MRPL1: variants seen among roughly 807,000 people sequenced by gnomAD.
The protein encoded by MRPL1 is large ribosomal subunit protein uL1m.
MRPL1 carries 28 observed loss-of-function variants against 38.0 expected under a neutral mutation model. The observed-to-expected ratio is 0.74, with a 90% CI of 0.55 to 1.01. MRPL1 has a LOEUF of 1.01. Ranked by LOEUF, MRPL1 falls within the 50% of genes least tolerant of loss-of-function variation. The probability of loss-of-function intolerance (pLI) is 0.00; values close to 1 mark genes in which losing one functional copy is unlikely to be tolerated. For synonymous variants in MRPL1, 123 were observed against 126.7 expected, an observed-to-expected ratio of 0.97 and a Z score of 0.20; for missense variants, 358 against 389.8, an observed-to-expected ratio of 0.92 and a Z score of 0.69.
intron 7 of MRPL1, among the ~76,000 whole-genome samples, chr4:77,949,073 GA>G (rs1382573972): frequency 4.6e-5 from 7 of 152,040 alleles, no homozygotes; most frequent in Non-Finnish European, 7.4e-5. Context: ...GCCCAGCCGT[GA>G]ACTTTTAAAA....
At chr4:77,914,305 A>G (rs1253355562) in intron 7 of MRPL1, among the ~76,000 whole-genome samples, 1 of 151,756 alleles carries the variant, frequency 6.6e-6, no homozygotes, top group Admixed American at 6.6e-5. Flanking sequence ...GTTGCATAGG[A>G]GGGGTGGGAG....
intron 7 of MRPL1, among the ~76,000 whole-genome samples, chr4:77,922,020 A>G (rs919994634): frequency 6.6e-6 from 1 of 152,222 alleles, no homozygotes; most frequent in Non-Finnish European, 1.5e-5. Flanking sequence ...AAAGTAGACA[A>G]CAATCCTTGC....
At chr4:77,868,462 T>C (rs746081901) in intron 1 of MRPL1, among the ~76,000 whole-genome samples, 1 of 152,032 alleles carries the variant, frequency 6.6e-6, no homozygotes, top group East Asian at 1.9e-4. Context: ...AGGCTGGTCT[T>C]GAACTCCTTA....
chr4:77,907,767 T>C (rs557824782), intron 6 of MRPL1, among the ~76,000 whole-genome samples: 1 of 152,280 alleles, frequency 6.6e-6, no homozygotes, highest in Non-Finnish European at 1.5e-5. Context: ...TTTCGCCGTG[T>C]TGGCCAGGCT....
At chr4:77,882,876 C>T (rs1430844136) in intron 2 of MRPL1, among the ~76,000 whole-genome samples, 1 of 152,180 alleles carries the variant, frequency 6.6e-6, no homozygotes, top group Non-Finnish European at 1.5e-5. Context: ...ACTTTGAGGT[C>T]ATTTCCTCTA....
intron 1 of MRPL1, among the ~76,000 whole-genome samples, chr4:77,865,485 G>A (rs1159510208): frequency 6.6e-5 from 10 of 151,276 alleles, no homozygotes; most frequent in Non-Finnish European, 1.0e-4. Flanking sequence ...GCAGTGGCCC[G>A]GTCACGGCTC....
intron 8 of MRPL1, among the ~76,000 whole-genome samples, chr4:77,951,408 T>C (rs1578068166): frequency 1.3e-5 from 2 of 152,204 alleles, no homozygotes; most frequent in African/African-American, 4.8e-5. Flanking sequence ...AATGAATTAT[T>C]AGTGAGTGTG....
chr4:77,866,746 C>T (rs1735152346), intron 1 of MRPL1, among the ~76,000 whole-genome samples: 2 of 151,502 alleles, frequency 1.3e-5, no homozygotes, highest in Admixed American at 1.3e-4. Flanking sequence ...AAATATCACC[C>T]CCCTTTTTTT....
chr4:77,908,367 G>A (rs1423168287), intron 6 of MRPL1: 3 of 159,744 alleles, frequency 1.9e-5, no homozygotes, highest in East Asian at 3.8e-4. Context: ...CAAGTAGCTG[G>A]GATTACAGGT....
At chr4:77,884,025 C>T (rs1240719878) in intron 3 of MRPL1, among the ~76,000 whole-genome samples, 1 of 152,084 alleles carries the variant, frequency 6.6e-6, no homozygotes, top group Non-Finnish European at 1.5e-5. Flanking sequence ...ACATAGATTT[C>T]CTATTTCCTC....
At chr4:77,902,014 G>C (rs138517828) in intron 6 of MRPL1, among the ~76,000 whole-genome samples, 3 of 152,176 alleles carry the variant, frequency 2.0e-5, no homozygotes, top group African/African-American at 7.2e-5. Flanking sequence ...TATGTGTTCT[G>C]ATTTGCAACT....
chr4:77,863,216 G>A (rs760895656), intron 1 of MRPL1, among the ~76,000 whole-genome samples: 29 of 152,066 alleles, frequency 1.9e-4, no homozygotes, highest in Non-Finnish European at 3.5e-4. Context: ...GTTCTGATAA[G>A]GGAAAGATGA....
intron 7 of MRPL1, among the ~76,000 whole-genome samples, chr4:77,945,692 A>G (rs1737246153): frequency 6.6e-6 from 1 of 152,152 alleles, no homozygotes; most frequent in South Asian, 2.1e-4. Context: ...TGGGGGTGAT[A>G]TCACATATCG....
At chr4:77,872,369 G>T (rs1735301622) in intron 2 of MRPL1, among the ~76,000 whole-genome samples, 1 of 151,826 alleles carries the variant, frequency 6.6e-6, no homozygotes, top group Non-Finnish European at 1.5e-5. Flanking sequence ...TCATGTATTA[G>T]AGGATTATCC....
intron 2 of MRPL1, among the ~76,000 whole-genome samples, chr4:77,872,393 A>G (rs573193220): frequency 6.6e-6 from 1 of 152,256 alleles, no homozygotes; most frequent in South Asian, 2.1e-4. Flanking sequence ...CTATGATTAC[A>G]TAGTAAGATT....
rs575825528 is a variant in MRPL1, at chr4:77,945,986, GT to G, written c.778-3808del. Among the ~76,000 whole-genome samples the G allele has an allele frequency of 5.0e-3, 762 of 152,234 alleles. 3 individuals are homozygous for G. The highest frequency in any genetic ancestry group is 7.8e-3 in the Non-Finnish European group (533 of 68,010). On this transcript the variant is annotated intron_variant, in intron 7 of 8. Transcript: ENST00000315567. ...AAACATCTTAAACAACATAAAACAG[GT>G]TTCGAGAGCAGAGAACTAGTCTGAC...
chr4:77,893,325 C>T (rs1161830187), intron 5 of MRPL1, among the ~76,000 whole-genome samples: 1 of 151,938 alleles, frequency 6.6e-6, no homozygotes, highest in Admixed American at 6.6e-5. Flanking sequence ...CCTTGTTGCC[C>T]AGGCTAATTT....
intron 2 of MRPL1, among the ~76,000 whole-genome samples, chr4:77,872,618 A>G (rs1406307024): frequency 6.6e-6 from 1 of 152,126 alleles, no homozygotes; most frequent in Non-Finnish European, 1.5e-5. Context: ...TGATCCCGGC[A>G]CTTTGGGAGG....
At chr4:77,868,190 G>C (rs1335303897) in intron 1 of MRPL1, among the ~76,000 whole-genome samples, 1 of 151,898 alleles carries the variant, frequency 6.6e-6, no homozygotes, top group African/African-American at 2.4e-5. Context: ...AGCCTCCTGA[G>C]TAGCTGGGAC....
Sources: allele counts gnomAD v4.1 joint callset (sites outside exome capture counted in the v4.1 genomes callset), GRCh38; gene constraint gnomAD v4.1.1; transcripts MANE v1.5; gene names NCBI Gene and HGNC (gene_info 2026-07-23, HGNC 2026-07-21).